The following VPS13A variants were observed in gnomAD, a reference collection of about 807,000 sequenced individuals.
VPS13A encodes the protein intermembrane lipid transfer protein VPS13A.
A neutral mutation model predicts 390.9 loss-of-function variants in VPS13A; 264 were observed. The ratio of observed to expected loss-of-function variants is 0.68; its 90% CI spans 0.61 to 0.75. The LOEUF is 0.75. Among genes scored for constraint, VPS13A ranks in the 30% least tolerant of loss-of-function variants. The pLI, the probability that VPS13A is intolerant of heterozygous loss-of-function variation, is 0.00. For synonymous variants in VPS13A, 1,231 were observed against 1,227.1 expected (o/e 1.00, Z -0.07); for missense variants, 3,409 against 3,733.9 (o/e 0.91, Z 2.27).
chr9:77,210,703 C>A (rs1825933465), intron 7 of VPS13A, 28 bp downstream of exon 7: 1 of 1,603,896 alleles, frequency 6.2e-7, no homozygotes, highest in South Asian at 1.1e-5. Flanking sequence ...GAATCTTAAC[C>A]ATATTTAATG....
At chr9:77,216,036 G>A (rs1000812508) in intron 10 of VPS13A, among the ~76,000 whole-genome samples, 1 of 152,178 alleles carries the variant, frequency 6.6e-6, no homozygotes, top group African/African-American at 2.4e-5. Flanking sequence ...TAGGAGCTGG[G>A]TGTGGGAGAA....
At chr9:77,394,617 G>A (rs557724235) in intron 68 of VPS13A, among the ~76,000 whole-genome samples, 137 of 152,282 alleles carry the variant, frequency 9.0e-4, no homozygotes, top group African/African-American at 3.2e-3. Context: ...TTAAAGCCAG[G>A]CATTTACTTC....
chr9:77,337,234 G>T, intron 46 of VPS13A, 21 bp from the exon 47 acceptor site: 1 of 1,602,854 alleles, frequency 6.2e-7, no homozygotes, highest in Non-Finnish European at 8.5e-7. Flanking sequence ...ATTTTAAACT[G>T]TATCATTTAA....
intron 53 of VPS13A, 102 bp from the exon 54 acceptor site, chr9:77,353,307 A>G: frequency 1.1e-6 from 1 of 871,888 alleles, no homozygotes; most frequent in Non-Finnish European, 1.8e-6. Context: ...AGTAGGTGCC[A>G]TTAATAGTCT....
intron 23 of VPS13A, among the ~76,000 whole-genome samples, chr9:77,271,458 T>C (rs569962009): frequency 1.1e-4 from 16 of 152,244 alleles, no homozygotes; most frequent in Non-Finnish European, 1.8e-4. Context: ...TACTCCTAGG[T>C]TTTTACCCAA....
chr9:77,212,236 C>T (rs1826011090), intron 7 of VPS13A, among the ~76,000 whole-genome samples: 2 of 152,110 alleles, frequency 1.3e-5, no homozygotes, highest in Admixed American at 1.3e-4. Context: ...CCTTTTTAAA[C>T]CGACCCCAGG....
At chr9:77,194,367 G>A (rs943315421) in intron 1 of VPS13A, among the ~76,000 whole-genome samples, 1 of 151,884 alleles carries the variant, frequency 6.6e-6, no homozygotes, top group Admixed American at 6.6e-5. Context: ...GGGTTGGGGG[G>A]GGCGCTCAAA....
Position 77,295,589 on chromosome 9 carries a change from A to AAC in VPS13A, c.3556_3557dup (p.Val1187LeufsTer12), listed in dbSNP as rs779746050. On this transcript the variant is annotated frameshift_variant, in exon 33 of 72. Coordinates refer to ENST00000360280, the MANE Select transcript of VPS13A (RefSeq NM_033305.3). LOFTEE classifies it high-confidence loss of function. ...CAGCTAAACAAGCCTTGGCTGAGGC[A>AAC]ACTGTTCAGGCAGCTGGAATGGCTG... 26 of 1,612,256 alleles carry AAC rather than the reference A, an allele frequency of 1.6e-5. No homozygotes were observed. In the Admixed American group the frequency reaches 3.3e-4, roughly 21 times the overall value.
At chr9:77,209,325 A>G (rs1036112244) in intron 5 of VPS13A, 98 bp from the exon 6 acceptor site, 26 of 825,928 alleles carry the variant, frequency 3.1e-5, no homozygotes, top group African/African-American at 2.7e-4. Flanking sequence ...ATATATGTAT[A>G]TTTCAGCAAG....
intron 1 of VPS13A, chr9:77,178,173 G>C (rs774994002): frequency 1.4e-5 from 4 of 286,330 alleles, no homozygotes; most frequent in Non-Finnish European, 2.7e-5. Flanking sequence ...GAGGCGAGAC[G>C]ACGCCTTCCT....
intron 20 of VPS13A, 122 bp downstream of exon 20, chr9:77,247,517 T>A: frequency 9.1e-7 from 1 of 1,093,738 alleles, no homozygotes; most frequent in African/African-American, 1.6e-5. Context: ...GGTAGATAAG[T>A]AAGATTTGAG....
intron 21 of VPS13A, among the ~76,000 whole-genome samples, chr9:77,251,933 A>G (rs1825167464): frequency 6.6e-6 from 1 of 152,218 alleles, no homozygotes; most frequent in Non-Finnish European, 1.5e-5. Flanking sequence ...TAAATCTTGA[A>G]TAAATGGTAG....
chr9:77,185,800 T>C (rs975415439), intron 1 of VPS13A, among the ~76,000 whole-genome samples: 2 of 152,224 alleles, frequency 1.3e-5, no homozygotes, highest in African/African-American at 2.4e-5. Flanking sequence ...CAGTTTGTGC[T>C]GTTCACTTAA....
chr9:77,199,323 A>G (rs1006364129), intron 1 of VPS13A, among the ~76,000 whole-genome samples: 8 of 152,148 alleles, frequency 5.3e-5, no homozygotes, highest in African/African-American at 1.7e-4. Context: ...GCCTGCCACC[A>G]TGCCTGGATG....
At chr9:77,270,244 A>G (rs1206718174) in intron 23 of VPS13A, among the ~76,000 whole-genome samples, 2 of 152,188 alleles carry the variant, frequency 1.3e-5, no homozygotes, top group East Asian at 3.8e-4. Context: ...CTATCGTTTA[A>G]TAAATTATTG....
intron 67 of VPS13A, among the ~76,000 whole-genome samples, chr9:77,378,710 T>A (rs1833249849): frequency 6.6e-6 from 1 of 151,942 alleles, no homozygotes; most frequent in African/African-American, 2.4e-5. Flanking sequence ...TGCTCTAATT[T>A]TTATTATTTT....
intron 33 of VPS13A, among the ~76,000 whole-genome samples, chr9:77,298,029 T>C (rs1333766224): frequency 6.6e-6 from 1 of 152,144 alleles, no homozygotes; most frequent in East Asian, 1.9e-4. Flanking sequence ...GAAGAGAAAT[T>C]AAAATTCACT....
intron 71 of VPS13A, among the ~76,000 whole-genome samples, chr9:77,413,473 A>C (rs1050445529): frequency 6.6e-5 from 10 of 152,212 alleles, no homozygotes; most frequent in African/African-American, 2.4e-4. Flanking sequence ...CAAACCTGAC[A>C]AAAACAAGAA....
intron 63 of VPS13A, 136 bp from the exon 64 acceptor site, chr9:77,370,121 T>C: frequency 1.1e-6 from 1 of 948,710 alleles, no homozygotes; most frequent in Non-Finnish European, 1.7e-6. Flanking sequence ...AATGTGAAAC[T>C]TTTTGCTGAT....
Sources: allele counts gnomAD v4.1 joint callset (sites outside exome capture counted in the v4.1 genomes callset), GRCh38; gene constraint gnomAD v4.1.1; transcripts MANE v1.5; gene names NCBI Gene and HGNC (gene_info 2026-07-23, HGNC 2026-07-21).